The following THSD7B variants were observed in gnomAD, a reference collection of about 807,000 sequenced individuals.
THSD7B encodes the protein thrombospondin type 1 domain containing 7B.
In THSD7B, 138 loss-of-function variants were observed where a neutral mutation model predicts 213.6. The observed-to-expected ratio is 0.65, with a 90% CI of 0.56 to 0.74. The LOEUF is 0.74. Ranked by LOEUF, THSD7B falls within the 30% of genes least tolerant of loss-of-function variation. The probability of loss-of-function intolerance (pLI) is 0.00; values close to 1 mark genes in which losing one functional copy is unlikely to be tolerated. For synonymous variants in THSD7B, 742 were observed against 687.0 expected, an observed-to-expected ratio of 1.08 and a Z score of -1.25; for missense variants, 1,931 against 1,991.5, an observed-to-expected ratio of 0.97 and a Z score of 0.58.
intron 4 of THSD7B, among the ~76,000 whole-genome samples, chr2:137,111,352 A>G (rs1490992447): frequency 6.6e-6 from 1 of 152,180 alleles, no homozygotes; most frequent in Non-Finnish European, 1.5e-5. Flanking sequence ...TGCATTCTGT[A>G]CTACTTGATT....
chr2:137,486,742 A>G (rs550955301), intron 15 of THSD7B, among the ~76,000 whole-genome samples: 15 of 152,336 alleles, frequency 9.8e-5, no homozygotes, highest in Non-Finnish European at 1.9e-4. Context: ...CATAGTTGGA[A>G]GTAAAGCTCT....
intron 15 of THSD7B, among the ~76,000 whole-genome samples, chr2:137,482,445 G>A (rs1688328935): frequency 6.6e-6 from 1 of 152,132 alleles, no homozygotes; most frequent in Non-Finnish European, 1.5e-5. Flanking sequence ...TGCCCTGTGG[G>A]TCTCCAATGG....
chr2:137,056,610 C>G lies in THSD7B; in HGVS notation c.330C>G (p.Asp110Glu). 1 of 1,613,974 alleles carries G rather than the reference C, an allele frequency of 6.2e-7. No individual in the cohort carries two copies. The highest frequency in any genetic ancestry group is 2.2e-5 in the East Asian group (1 of 44,852). The change falls in exon 3 of 28, where the codon GAC becomes GAG. Residue 110 changes from aspartate to glutamate, a missense_variant. Coordinates refer to ENST00000409968, the MANE Select transcript of THSD7B (RefSeq NM_001316349.2). ...ACCTCTTTCAGTGGGAGGTTTCTGA[C>G]TGGCACCACTGTGTGCTTGTTCCTT... is the stretch of plus-strand genomic sequence containing the variant. ...HSDLFQWEVS[D>E]WHHCVLVPYA...
At chr2:137,615,582 C>T (rs1236941610) in intron 17 of THSD7B, among the ~76,000 whole-genome samples, 3 of 152,194 alleles carry the variant, frequency 2.0e-5, no homozygotes, top group African/African-American at 4.8e-5. Flanking sequence ...TTGGAGTTCA[C>T]ATTTTCACAT....
chr2:137,266,010 G>T (rs1682581138), intron 10 of THSD7B, among the ~76,000 whole-genome samples: 1 of 152,170 alleles, frequency 6.6e-6, no homozygotes, highest in African/African-American at 2.4e-5. Flanking sequence ...GCCATTCATT[G>T]TCTGCTCCTA....
intron 12 of THSD7B, among the ~76,000 whole-genome samples, chr2:137,330,341 T>C (rs1278257443): frequency 6.6e-6 from 1 of 152,054 alleles, no homozygotes; most frequent in Non-Finnish European, 1.5e-5. Flanking sequence ...ACCTGACAAC[T>C]TGCACCGTGC....
intron 3 of THSD7B, among the ~76,000 whole-genome samples, chr2:137,092,067 A>T (rs954951961): frequency 6.6e-6 from 1 of 152,176 alleles, no homozygotes; most frequent in African/African-American, 2.4e-5. Flanking sequence ...AGTAACAATG[A>T]GACACTGCGC....
At chr2:137,032,237 TA>T (rs957225738) in intron 2 of THSD7B, among the ~76,000 whole-genome samples, 34 of 149,110 alleles carry the variant, frequency 2.3e-4, no homozygotes, top group Middle Eastern at 3.4e-3. Flanking sequence ...GACATGAAGT[TA>T]AAAAAAAAAT....
At chr2:137,168,180 T>C (rs1680173507) in intron 6 of THSD7B, among the ~76,000 whole-genome samples, 2 of 152,328 alleles carry the variant, frequency 1.3e-5, no homozygotes, top group Non-Finnish European at 2.9e-5. Context: ...TTAGGTTTTA[T>C]GCTTTGAGAA....
intron 12 of THSD7B, among the ~76,000 whole-genome samples, chr2:137,335,336 C>G (rs1385830225): frequency 1.3e-5 from 2 of 152,242 alleles, no homozygotes; most frequent in African/African-American, 4.8e-5. Context: ...TTATAAGTGG[C>G]CAAGGAAGGA....
At chr2:137,579,903 G>A (rs1038439738) in intron 17 of THSD7B, among the ~76,000 whole-genome samples, 6 of 151,858 alleles carry the variant, frequency 4.0e-5, no homozygotes, top group African/African-American at 1.5e-4. Flanking sequence ...CATTTTAGTG[G>A]TATTCCTGGA....
intron 2 of THSD7B, among the ~76,000 whole-genome samples, chr2:136,981,480 C>T (rs1558875563): frequency 6.6e-6 from 1 of 152,130 alleles, no homozygotes; most frequent in East Asian, 1.9e-4. Flanking sequence ...ATTAACCCTG[C>T]TTGTCTCTTC....
intron 4 of THSD7B, among the ~76,000 whole-genome samples, chr2:137,096,541 A>G (rs1688043439): frequency 1.3e-5 from 2 of 152,166 alleles, no homozygotes; most frequent in Non-Finnish European, 2.9e-5. Flanking sequence ...GATTTGTATC[A>G]TTCCTTATCT....
At chr2:136,922,936 A>AT (rs1414212287) in intron 2 of THSD7B, among the ~76,000 whole-genome samples, 2 of 152,042 alleles carry the variant, frequency 1.3e-5, no homozygotes, top group Non-Finnish European at 2.9e-5. Flanking sequence ...GTGAATTGTA[A>AT]TTTTTTACCA....
At chr2:137,255,720 A>G (rs905068200) in intron 10 of THSD7B, among the ~76,000 whole-genome samples, 11 of 151,764 alleles carry the variant, frequency 7.2e-5, no homozygotes, top group South Asian at 2.1e-4. Flanking sequence ...AAAACTTTTC[A>G]CTTTTTTAGA....
At chr2:137,534,690 C>T (rs1301413370) in intron 15 of THSD7B, among the ~76,000 whole-genome samples, 2 of 151,554 alleles carry the variant, frequency 1.3e-5, no homozygotes, top group East Asian at 1.9e-4. Context: ...TAAGATATGT[C>T]AAAACAGACA....
Position 137,563,779 on chromosome 2 carries a change from GCCTTGGAAACTAAAGTCTGAGAATA to G in THSD7B, c.3272+429_3272+453del, listed in dbSNP as rs1409898897. Among the ~76,000 whole-genome samples, 5 of 152,110 alleles carry G rather than the reference GCCTTGGAAACTAAAGTCTGAGAATA, an allele frequency of 3.3e-5. No individual in the cohort carries two copies. The East Asian group carries it at 9.6e-4, about 29-fold the overall frequency. ...AAGGTTAATTTAAACCCCATGATTA[GCCTTGGAAACTAAAGTCTGAGAATA>G]CCTATGAACAGTAGCAATACATGTT... On this transcript the variant is annotated intron_variant, in intron 16 of 27. Transcript: ENST00000409968.
chr2:137,025,981 C>T (rs1268094318), intron 2 of THSD7B, among the ~76,000 whole-genome samples: 1 of 152,136 alleles, frequency 6.6e-6, no homozygotes, highest in Non-Finnish European at 1.5e-5. Flanking sequence ...CCAGGTGAGA[C>T]AGATACTGCT....
intron 1 of THSD7B, among the ~76,000 whole-genome samples, chr2:136,775,776 TTAAG>T (rs1239275489): frequency 3.3e-5 from 5 of 152,100 alleles, no homozygotes; most frequent in Non-Finnish European, 7.4e-5. Flanking sequence ...TGAAGCCCCT[TTAAG>T]TATCCCATTA....
Sources: allele counts gnomAD v4.1 joint callset (sites outside exome capture counted in the v4.1 genomes callset), GRCh38; gene constraint gnomAD v4.1.1; transcripts MANE v1.5; gene names NCBI Gene and HGNC (gene_info 2026-07-23, HGNC 2026-07-21).